RASSF6: variants seen among roughly 807,000 people sequenced by gnomAD.
The protein encoded by RASSF6 is Ras association domain family member 6.
RASSF6 carries 52 observed loss-of-function variants against 44.0 expected under a neutral mutation model. The observed-to-expected ratio is 1.18, with a 90% CI of 0.95 to 1.49. RASSF6 has a LOEUF of 1.49. Among genes scored for constraint, RASSF6 ranks in the 40% most tolerant of loss-of-function variants. RASSF6 has a pLI of 0.00. For missense variants in RASSF6, 464 were observed against 393.3 expected, an observed-to-expected ratio of 1.18 and a Z score of -1.52; for synonymous variants, 162 against 124.6, an observed-to-expected ratio of 1.30 and a Z score of -2.00.
At position 73,581,869 on chromosome 4, in the gene RASSF6, C is replaced by T. The variant is rs754513530; in HGVS notation, c.670-1G>A. The T allele has an allele frequency of 1.9e-6, 3 of 1,608,190 alleles. No individual in the cohort carries two copies. Among genetic ancestry groups the T allele is most frequent in the Non-Finnish European group, 1.7e-6 (2 of 1,175,346 alleles). ...CAAAATCCTGGGGACTATTTTCAATCTGTCAAGGGAAAAAATGAACAAATA... is the reference window on the plus strand; with the variant it reads ...CAAAATCCTGGGGACTATTTTCAATTTGTCAAGGGAAAAAATGAACAAATA... On this transcript the variant is annotated splice_acceptor_variant, in intron 7 of 10. Coordinates refer to ENST00000307439, the MANE Select transcript of RASSF6 (RefSeq NM_177532.5). LOFTEE classifies it high-confidence loss of function.
At chr4:73,603,761 C>A (rs1461563706) in intron 2 of RASSF6, among the ~76,000 whole-genome samples, 1 of 152,186 alleles carries the variant, frequency 6.6e-6, no homozygotes, top group Non-Finnish European at 1.5e-5. Flanking sequence ...CTGTAATATA[C>A]ATGAATGTGG....
intron 1 of RASSF6, among the ~76,000 whole-genome samples, chr4:73,614,639 G>A (rs1726228077): frequency 6.6e-6 from 1 of 152,142 alleles, no homozygotes; most frequent in Admixed American, 6.5e-5. Context: ...CTCTTTATTT[G>A]CATTCATAAG....
chr4:73,576,513 AAAG>A lies in RASSF6; in HGVS notation c.841-9_841-7del, dbSNP rs772145551. The A allele has an allele frequency of 1.3e-4, 208 of 1,559,044 alleles. 1 individual carries two copies. The highest frequency in any genetic ancestry group is 1.7e-4 in the Middle Eastern group (1 of 5,856). ...AAGTTAATGTACTGAGCCACCTAAGAAAGAAGAAGAAGAAAAAAAAAAGAAAGC... is the reference window on the plus strand; with the variant it reads ...AAGTTAATGTACTGAGCCACCTAAGAAAGAAGAAGAAAAAAAAAAGAAAGC... On this transcript the variant is annotated splice_region_variant and splice_polypyrimidine_tract_variant and intron_variant, in intron 9 of 10. Coordinates refer to ENST00000307439, the MANE Select transcript of RASSF6 (RefSeq NM_177532.5).
chr4:73,581,430 C>T (rs1183379167), intron 8 of RASSF6, among the ~76,000 whole-genome samples: 1 of 152,076 alleles, frequency 6.6e-6, no homozygotes, highest in Non-Finnish European at 1.5e-5. Context: ...GAGGCAATAT[C>T]AATGTCAGAG....
intron 2 of RASSF6, among the ~76,000 whole-genome samples, chr4:73,603,139 A>G (rs973705130): frequency 3.3e-5 from 5 of 152,236 alleles, no homozygotes; most frequent in African/African-American, 9.6e-5. Context: ...AATTTCTCAC[A>G]CTTTTATATG....
chr4:73,596,742 C>G (rs1029418646), intron 3 of RASSF6, among the ~76,000 whole-genome samples: 2 of 152,076 alleles, frequency 1.3e-5, no homozygotes, highest in Non-Finnish European at 2.9e-5. Flanking sequence ...GCTACAGTAA[C>G]CAAAACAGCA....
At chr4:73,583,134 C>T (rs1005545822) in intron 6 of RASSF6, among the ~76,000 whole-genome samples, 1 of 152,038 alleles carries the variant, frequency 6.6e-6, no homozygotes, top group Non-Finnish European at 1.5e-5. Context: ...ACATGGATTA[C>T]CATTCAGGAG....
chr4:73,587,963 T>C, intron 4 of RASSF6, 29 bp from the exon 5 acceptor site: 1 of 1,412,810 alleles, frequency 7.1e-7, no homozygotes, highest in Middle Eastern at 1.8e-4. Flanking sequence ...TGTAAGTACA[T>C]CAGTTCCATT....
At chr4:73,583,690 G>C (rs1489075307) in intron 6 of RASSF6, among the ~76,000 whole-genome samples, 1 of 152,072 alleles carries the variant, frequency 6.6e-6, no homozygotes, top group Non-Finnish European at 1.5e-5. Flanking sequence ...TGACATTTGT[G>C]TAAAATATCT....
At chr4:73,596,365 TC>T (rs1724943670) in intron 3 of RASSF6, among the ~76,000 whole-genome samples, 1 of 151,920 alleles carries the variant, frequency 6.6e-6, no homozygotes, top group East Asian at 1.9e-4. Flanking sequence ...AAGAGCCAAA[TC>T]CCAAACAAAC....
In RASSF6 at chr4:73,584,680, C is replaced by T. The variant is rs539270424; in HGVS notation, c.567+500G>A. 5.9e-5 allele frequency among the ~76,000 whole-genome samples: 9 copies of T among 152,258 alleles called. No individual in the cohort carries two copies. In the South Asian group the frequency reaches 1.9e-3, roughly 32 times the overall value. On this transcript the variant is annotated intron_variant, in intron 6 of 10. Coordinates refer to ENST00000307439, the MANE Select transcript of RASSF6 (RefSeq NM_177532.5). ...CCTTTGATCCAACCACTTTGTAGCA[C>T]TTACATTATTCCAGTATTATTGTTG...
intron 5 of RASSF6, among the ~76,000 whole-genome samples, chr4:73,586,731 T>C (rs1376570370): frequency 6.6e-6 from 1 of 152,000 alleles, no homozygotes; most frequent in Non-Finnish European, 1.5e-5. Flanking sequence ...GATGCCAAGA[T>C]ACTGGGATTT....
rs1329386348 is a variant in RASSF6 at position 73,574,864 on chromosome 4, G to GT, written c.*1370dup. 5 of 151,892 alleles carry GT rather than the reference G, an allele frequency of 3.3e-5. No homozygotes were observed. The highest frequency in any genetic ancestry group is 1.2e-4 in the African/African-American group (5 of 41,340). 9.4% of individuals were successfully genotyped at this position (151,892 alleles called of 1,614,324 possible). A position where few individuals can be genotyped will look rare whatever the true frequency, so the allele number is the denominator to read the frequency against. On this transcript the variant is annotated 3_prime_UTR_variant, in exon 11 of 11. Transcript: ENST00000307439. ...TGTTCATGGCAGGTACATGACACTA[G>GT]TTTTTTATAAGTATGTTGAATTTTA... is the stretch of plus-strand genomic sequence containing the variant.
intron 3 of RASSF6, among the ~76,000 whole-genome samples, chr4:73,596,469 T>A (rs919752757): frequency 6.6e-6 from 1 of 152,040 alleles, no homozygotes; most frequent in Non-Finnish European, 1.5e-5. Context: ...CTCAAAGAAA[T>A]CAGAGATGAC....
intron 6 of RASSF6, 41 bp downstream of exon 6, chr4:73,585,139 C>A: frequency 7.1e-7 from 1 of 1,403,886 alleles, no homozygotes; most frequent in Non-Finnish European, 9.7e-7. Context: ...AAACAGGGAA[C>A]CTTATTTTAT....
chr4:73,596,747 A>G (rs1724966934), intron 3 of RASSF6, among the ~76,000 whole-genome samples: 1 of 152,282 alleles, frequency 6.6e-6, no homozygotes, highest in East Asian at 1.9e-4. Flanking sequence ...AGTAACCAAA[A>G]CAGCATGATA....
chr4:73,587,444 A>C (rs1724182769), intron 5 of RASSF6, among the ~76,000 whole-genome samples: 1 of 152,128 alleles, frequency 6.6e-6, no homozygotes. Context: ...ACTTCTAAAA[A>C]GATACAGAAT....
intron 8 of RASSF6, 103 bp downstream of exon 8, chr4:73,581,714 C>T: frequency 1.5e-6 from 1 of 683,026 alleles, no homozygotes; most frequent in South Asian, 2.1e-5. Context: ...CCCATTCCTC[C>T]CCTTTCTCCA....
chr4:73,588,029 G>A, intron 4 of RASSF6, 95 bp from the exon 5 acceptor site: 2 of 727,592 alleles, frequency 2.7e-6, no homozygotes, highest in East Asian at 2.7e-5. Context: ...GTAATACTGT[G>A]GGCCTCTGTA....
Sources: allele counts gnomAD v4.1 joint callset (sites outside exome capture counted in the v4.1 genomes callset), GRCh38; gene constraint gnomAD v4.1.1; transcripts MANE v1.5; gene names NCBI Gene and HGNC (gene_info 2026-07-23, HGNC 2026-07-21).